Variants in ADGRB3 observed in about 807,000 individuals in gnomAD.
The protein encoded by ADGRB3 is brain-specific angiogenesis inhibitor 3.
A neutral mutation model predicts 193.4 loss-of-function variants in ADGRB3; 37 were observed. The observed-to-expected ratio is 0.19, with a 90% CI of 0.15 to 0.25. ADGRB3 has a LOEUF of 0.25. Among genes scored for constraint, ADGRB3 ranks in the 10% least tolerant of loss-of-function variants. The pLI is 1.00. For synonymous variants in ADGRB3, 690 were observed against 644.2 expected (o/e 1.07, Z -1.08); for missense variants, 1,637 against 1,852.9 (o/e 0.88, Z 2.14).
At chr6:68,923,452 T>C (rs571858900) in intron 3 of ADGRB3, among the ~76,000 whole-genome samples, 1 of 152,234 alleles carries the variant, frequency 6.6e-6, no homozygotes, top group South Asian at 2.1e-4. Flanking sequence ...ACTCCACTTA[T>C]ATTTTTTTGG....
At chr6:69,072,490 G>T (rs1262909564) in intron 16 of ADGRB3, among the ~76,000 whole-genome samples, 1 of 152,180 alleles carries the variant, frequency 6.6e-6, no homozygotes, top group East Asian at 1.9e-4. Context: ...TGATAAAAAG[G>T]AAAGAAGTAT....
intron 17 of ADGRB3, among the ~76,000 whole-genome samples, chr6:69,144,826 A>C (rs1435964556): frequency 2.0e-5 from 3 of 151,326 alleles, no homozygotes; most frequent in African/African-American, 7.3e-5. Context: ...TTTGTTGAGG[A>C]TTTTTGCATC....
At chr6:69,162,408 G>C (rs1247389977) in intron 17 of ADGRB3, among the ~76,000 whole-genome samples, 1 of 152,066 alleles carries the variant, frequency 6.6e-6, no homozygotes, top group East Asian at 1.9e-4. Context: ...GTTTCAGTAT[G>C]ATATTGCCCC....
chr6:69,313,662 T>C (rs1768246621), intron 20 of ADGRB3, among the ~76,000 whole-genome samples: 1 of 151,760 alleles, frequency 6.6e-6, no homozygotes, highest in Admixed American at 6.6e-5. Context: ...ACAAACCTAC[T>C]GAAAAAGGAT....
intron 17 of ADGRB3, among the ~76,000 whole-genome samples, chr6:69,148,849 A>G (rs1035173399): frequency 6.6e-6 from 1 of 152,166 alleles, no homozygotes; most frequent in African/African-American, 2.4e-5. Flanking sequence ...CACCTTAAAT[A>G]TGTCATGCCA....
At chr6:68,811,549 GC>G (rs1210789750) in intron 3 of ADGRB3, among the ~76,000 whole-genome samples, 1 of 151,944 alleles carries the variant, frequency 6.6e-6, no homozygotes, top group African/African-American at 2.4e-5. Flanking sequence ...GCTCATTGCA[GC>G]CTCTGCCTCC....
intron 13 of ADGRB3, among the ~76,000 whole-genome samples, chr6:69,035,416 C>G (rs1449551250): frequency 6.6e-6 from 1 of 151,912 alleles, no homozygotes; most frequent in Non-Finnish European, 1.5e-5. Flanking sequence ...TCTACAGATC[C>G]ATAAACAAGC....
chr6:68,972,790 A>G (rs940197864), intron 8 of ADGRB3, among the ~76,000 whole-genome samples: 4 of 152,230 alleles, frequency 2.6e-5, no homozygotes, highest in African/African-American at 9.6e-5. Context: ...GAAGGACACA[A>G]AGAATGAGAC....
At chr6:69,211,819 T>C (rs1448165581) in intron 17 of ADGRB3, among the ~76,000 whole-genome samples, 1 of 152,204 alleles carries the variant, frequency 6.6e-6, no homozygotes, top group Non-Finnish European at 1.5e-5. Context: ...CTATCCACTG[T>C]TTCATCTTTC....
chr6:68,848,174 A>G (rs997018071), intron 3 of ADGRB3, among the ~76,000 whole-genome samples: 8 of 152,222 alleles, frequency 5.3e-5, no homozygotes, highest in Admixed American at 1.3e-4. Context: ...AATTGTGACT[A>G]TTAAAAAGTC....
chr6:68,722,415 C>T (rs1327152304), intron 3 of ADGRB3, among the ~76,000 whole-genome samples: 4 of 151,576 alleles, frequency 2.6e-5, no homozygotes, highest in Non-Finnish European at 5.9e-5. Flanking sequence ...TACCATGGCA[C>T]GTGTACGTCT....
At chr6:69,248,985 T>C (rs533645827) in intron 20 of ADGRB3, among the ~76,000 whole-genome samples, 37 of 152,336 alleles carry the variant, frequency 2.4e-4, no homozygotes, top group African/African-American at 8.4e-4. Flanking sequence ...CTTCTTCTTT[T>C]TCTTTTTTTT....
chr6:68,816,697 G>A (rs1348084406), intron 3 of ADGRB3, among the ~76,000 whole-genome samples: 1 of 151,544 alleles, frequency 6.6e-6, no homozygotes, highest in Non-Finnish European at 1.5e-5. Flanking sequence ...TCTTTACTTT[G>A]CCTTAAAATT....
In ADGRB3 at chr6:69,254,928, A is replaced by G. The variant is rs13220382; in HGVS notation, c.2814+15702A>G. Among the ~76,000 whole-genome samples the G allele has an allele frequency of 8.8e-4, 125 of 142,016 alleles. 2 individuals carry two copies. Among genetic ancestry groups the G allele is most frequent in the African/African-American group, 3.2e-3 (120 of 38,078 alleles). The allele number at this position is 142,016 out of a possible 152,430, so 93.2% of individuals were successfully genotyped here. A position where few individuals can be genotyped will look rare whatever the true frequency, so the allele number is the denominator to read the frequency against. On this transcript the variant is annotated intron_variant, in intron 20 of 31. Transcript: ENST00000370598. ...TGTGTCCATGTGTTCTCATTGTTCA[A>G]TTCCCACCTATGAGTGAGAACATGT...
At chr6:69,080,936 A>G (rs1289645140) in intron 17 of ADGRB3, among the ~76,000 whole-genome samples, 1 of 152,044 alleles carries the variant, frequency 6.6e-6, no homozygotes, top group Non-Finnish European at 1.5e-5. Flanking sequence ...TGTTATGTGC[A>G]GTCTGTATGT....
intron 10 of ADGRB3, among the ~76,000 whole-genome samples, chr6:68,990,334 A>G (rs1769200301): frequency 1.3e-5 from 2 of 152,128 alleles, no homozygotes; most frequent in South Asian, 4.1e-4. Flanking sequence ...CATTCTTTAT[A>G]CCCTGTATAA....
In ADGRB3 at chr6:68,939,138, A is replaced by C. The variant is rs1039331448; in HGVS notation, c.1030+2458A>C. On this transcript the variant is annotated intron_variant, in intron 5 of 31. Coordinates refer to ENST00000370598, the MANE Select transcript of ADGRB3 (RefSeq NM_001704.3). ...GGTGGGATCAGAGCGCTTCTCCCCC[A>C]CAGAACTGCCAAATCCACCTTTGCA... Among the ~76,000 whole-genome samples the C allele has an allele frequency of 3.9e-5, 6 of 152,242 alleles. No homozygotes were observed. The South Asian group carries it at 1.2e-3, about 32-fold the overall frequency.
intron 3 of ADGRB3, among the ~76,000 whole-genome samples, chr6:68,696,923 C>T (rs1341933685): frequency 6.6e-6 from 1 of 151,922 alleles, no homozygotes; most frequent in African/African-American, 2.4e-5. Flanking sequence ...TTCCATTGTG[C>T]AAATGTCTTG....
intron 3 of ADGRB3, among the ~76,000 whole-genome samples, chr6:68,847,615 CT>C (rs1241240562): frequency 6.6e-6 from 1 of 152,126 alleles, no homozygotes; most frequent in Non-Finnish European, 1.5e-5. Flanking sequence ...TAAGAAGTGT[CT>C]TTTCGCCCTC....
Sources: allele counts gnomAD v4.1 joint callset (sites outside exome capture counted in the v4.1 genomes callset), GRCh38; gene constraint gnomAD v4.1.1; transcripts MANE v1.5; gene names NCBI Gene and HGNC (gene_info 2026-07-23, HGNC 2026-07-21).